LHX8: variants seen among roughly 807,000 people sequenced by gnomAD.
LHX8 encodes the protein LIM/homeobox protein Lhx8.
In LHX8, 12 loss-of-function variants were observed where a neutral mutation model predicts 40.3. The ratio of observed to expected loss-of-function variants is 0.30; its 90% CI spans 0.19 to 0.48. LHX8 has a LOEUF of 0.48. Among genes scored for constraint, LHX8 ranks in the 20% least tolerant of loss-of-function variants. The probability of loss-of-function intolerance (pLI) is 0.99; values close to 1 mark genes in which losing one functional copy is unlikely to be tolerated. For synonymous variants in LHX8, 179 were observed against 162.0 expected (o/e 1.10, Z -0.80); for missense variants, 344 against 433.7 (o/e 0.79, Z 1.84).
intron 6 of LHX8, among the ~76,000 whole-genome samples, chr1:75,146,851 A>G (rs2204560): frequency 0.12 from 18,801 of 152,168 alleles, 1,454 homozygotes; most frequent in South Asian, 0.25. Flanking sequence ...ACTAAATACA[A>G]TTTGATTGCA....
the LHX8 span, among the ~76,000 whole-genome samples, chr1:75,190,910 G>C: frequency 1.4e-3 from 215 of 152,146 alleles, no homozygotes; most frequent in African/African-American, 4.9e-3. Context: ...CAAAGAGTTT[G>C]AGTTTAAAAA....
the LHX8 span, among the ~76,000 whole-genome samples, chr1:75,176,867 G>A: frequency 1.3e-5 from 2 of 152,160 alleles, no homozygotes; most frequent in Non-Finnish European, 2.9e-5. Context: ...GTAAGGAAGG[G>A]ATCCAGTTTC....
intron 3 of LHX8, among the ~76,000 whole-genome samples, chr1:75,139,815 C>G (rs2100336013): frequency 6.6e-6 from 1 of 152,136 alleles, no homozygotes; most frequent in Non-Finnish European, 1.5e-5. Context: ...TTCGAAGTAC[C>G]TTTTATATAT....
the LHX8 span, chr1:75,183,242 A>C: frequency 6.6e-6 from 1 of 152,198 alleles, no homozygotes; most frequent in Non-Finnish European, 1.5e-5. Flanking sequence ...ACCTCTCTAG[A>C]GAAGTCAACA....
chr1:75,164,550 T>A (rs748181583), downstream of LHX8, among the ~76,000 whole-genome samples: 11 of 152,194 alleles, frequency 7.2e-5, no homozygotes, highest in Non-Finnish European at 1.5e-4. Context: ...CACCAAATGT[T>A]GCACTAAATT....
the LHX8 span, among the ~76,000 whole-genome samples, chr1:75,181,551 GA>G: frequency 2.0e-5 from 3 of 152,198 alleles, no homozygotes; most frequent in African/African-American, 7.2e-5. Flanking sequence ...AAGACCATTG[GA>G]AAAGCGCAGT....
intron 1 of LHX8, among the ~76,000 whole-genome samples, chr1:75,136,347 G>A (rs975745125): frequency 5.3e-5 from 8 of 151,986 alleles, no homozygotes; most frequent in Non-Finnish European, 1.0e-4. Flanking sequence ...GTGCCCGGGT[G>A]AGCGCCGGAG....
Position 75,135,488 on chromosome 1 carries a change from G to A in LHX8, c.-13+534G>A, listed in dbSNP as rs1464023460. On this transcript the variant is annotated intron_variant, in intron 1 of 8. Transcript: ENST00000356261. ...GCGTAGGGAGCGCACCCCAGAAAGG[G>A]AGGGTCTCGGCCGACGGTCCGGGAG... Among the ~76,000 whole-genome samples, 3 of 152,188 alleles carry A rather than the reference G, an allele frequency of 2.0e-5. No homozygotes were observed. In the East Asian group the frequency reaches 5.8e-4, roughly 29 times the overall value.
At chr1:75,171,682 G>A in the LHX8 span, among the ~76,000 whole-genome samples, 3 of 152,308 alleles carry the variant, frequency 2.0e-5, no homozygotes, top group South Asian at 2.1e-4. Flanking sequence ...GTTCCATGCT[G>A]TTAAGATGGT....
At chr1:75,154,710 G>T (rs1446220478) in intron 7 of LHX8, among the ~76,000 whole-genome samples, 2 of 152,014 alleles carry the variant, frequency 1.3e-5, no homozygotes, top group African/African-American at 4.8e-5. Context: ...TTGGGGTGTG[G>T]TCTATAGGTA....
chr1:75,175,452 T>C, the LHX8 span, among the ~76,000 whole-genome samples: 6 of 152,216 alleles, frequency 3.9e-5, no homozygotes, highest in Non-Finnish European at 8.8e-5. Context: ...CTTTTCACCA[T>C]ATCCATGACA....
chr1:75,131,085 G>A, upstream of LHX8: 1 of 385,752 alleles, frequency 2.6e-6, no homozygotes. Context: ...CAAGAGCAGG[G>A]CTCTGTTTCT....
At chr1:75,149,066 A>G (rs1648537919) in intron 7 of LHX8, among the ~76,000 whole-genome samples, 2 of 152,220 alleles carry the variant, frequency 1.3e-5, no homozygotes. Flanking sequence ...TACTTCATTC[A>G]GTACTCACAG....
the LHX8 span, among the ~76,000 whole-genome samples, chr1:75,175,832 C>T: frequency 6.6e-6 from 1 of 152,088 alleles, no homozygotes; most frequent in Non-Finnish European, 1.5e-5. Flanking sequence ...ATTCCATCAT[C>T]CCCCAACAGG....
the LHX8 span, among the ~76,000 whole-genome samples, chr1:75,181,425 C>G: frequency 6.6e-6 from 1 of 152,192 alleles, no homozygotes; most frequent in Non-Finnish European, 1.5e-5. Context: ...ATGACAGACA[C>G]CCCTCCCCCA....
upstream of LHX8, among the ~76,000 whole-genome samples, chr1:75,134,374 C>T (rs751497037): frequency 3.2e-4 from 49 of 151,176 alleles, no homozygotes; most frequent in Admixed American, 2.0e-3. Context: ...CCTGGAGGGA[C>T]TCAGGAAAAG....
At chr1:75,166,314 A>G (rs1240755268), downstream of LHX8, among the ~76,000 whole-genome samples, 1 of 152,226 alleles carries the variant, frequency 6.6e-6, no homozygotes, top group African/African-American at 2.4e-5. Context: ...TCTTGATCTT[A>G]AAGAATTATT....
chr1:75,171,771 T>C, the LHX8 span, among the ~76,000 whole-genome samples: 2 of 152,176 alleles, frequency 1.3e-5, no homozygotes, highest in Non-Finnish European at 2.9e-5. Context: ...ATAAAGTTTC[T>C]CTTGCCTTCC....
At chr1:75,166,291 A>G (rs1293813142), downstream of LHX8, among the ~76,000 whole-genome samples, 1 of 152,222 alleles carries the variant, frequency 6.6e-6, no homozygotes, top group Non-Finnish European at 1.5e-5. Context: ...CTTCCTGTCT[A>G]CATTAACTCC....
Sources: allele counts gnomAD v4.1 joint callset (sites outside exome capture counted in the v4.1 genomes callset), GRCh38; gene constraint gnomAD v4.1.1; transcripts MANE v1.5; gene names NCBI Gene and HGNC (gene_info 2026-07-23, HGNC 2026-07-21).